The following SNX10 variants were observed in gnomAD, a reference collection of about 807,000 sequenced individuals.
SNX10 encodes sorting nexin 10, also known as sorting nexin-10.
Under a neutral mutation model 28.5 loss-of-function variants are expected in SNX10, and 25 were observed. The observed-to-expected ratio is 0.88, with a 90% confidence interval of 0.64 to 1.22. The LOEUF (loss-of-function observed/expected upper bound fraction) is 1.22. Ranked by LOEUF, SNX10 falls within the 50% of genes most tolerant of loss-of-function variation. The pLI is 0.00. For missense variants in SNX10, 223 were observed against 242.6 expected, an observed-to-expected ratio of 0.92 and a Z score of 0.54; for synonymous variants, 62 against 81.4, an observed-to-expected ratio of 0.76 and a Z score of 1.28.
chr7:26,298,817 C>T (rs751697889), intron 1 of SNX10, among the ~76,000 whole-genome samples: 9 of 152,184 alleles, frequency 5.9e-5, no homozygotes, highest in Admixed American at 2.6e-4. Flanking sequence ...TGCAGACAGC[C>T]GCCTTCGTGC....
chr7:26,308,668 C>A (rs1786692833), intron 1 of SNX10, among the ~76,000 whole-genome samples: 1 of 152,052 alleles, frequency 6.6e-6, no homozygotes, highest in African/African-American at 2.4e-5. Context: ...TATAATAAAC[C>A]AGTAATAAGT....
chr7:26,352,427 A>T (rs1788644032), intron 2 of SNX10, among the ~76,000 whole-genome samples: 1 of 152,020 alleles, frequency 6.6e-6, no homozygotes, highest in African/African-American at 2.4e-5. Context: ...TGCCTCTTCA[A>T]CCCCCAAAAC....
chr7:26,355,986 G>T (rs1239309567), intron 2 of SNX10, among the ~76,000 whole-genome samples: 1 of 152,164 alleles, frequency 6.6e-6, no homozygotes, highest in East Asian at 1.9e-4. Context: ...ACGGTATAAT[G>T]CCTGCCACAT....
Position 26,362,114 on chromosome 7 carries a change from C to T in SNX10, c.111+1053C>T, listed in dbSNP as rs574143235. ...TCTTCTCTTTTTTCTTTGAAGTTTC[C>T]CCAACTTTGAAAATAAAAGAAAAAC... On this transcript the variant is annotated intron_variant, in intron 3 of 6. Transcript: ENST00000338523. Among the ~76,000 whole-genome samples, 5 of 151,986 alleles carry T rather than the reference C, an allele frequency of 3.3e-5. No individual in the cohort carries two copies. In the South Asian group the frequency reaches 1.0e-3, roughly 32 times the overall value.
intron 3 of SNX10, among the ~76,000 whole-genome samples, chr7:26,362,383 GA>G (rs1483671759): frequency 1.3e-5 from 2 of 152,132 alleles, no homozygotes; most frequent in African/African-American, 4.8e-5. Flanking sequence ...TTATTCCCAG[GA>G]ATTAATGAAA....
chr7:26,297,170 C>T (rs1488158172), intron 1 of SNX10, among the ~76,000 whole-genome samples: 1 of 152,240 alleles, frequency 6.6e-6, no homozygotes, highest in Non-Finnish European at 1.5e-5. Context: ...AATCTCAGCT[C>T]ACTGCAACCT....
At chr7:26,317,830 T>C (rs1234353607) in intron 1 of SNX10, among the ~76,000 whole-genome samples, 1 of 152,004 alleles carries the variant, frequency 6.6e-6, no homozygotes, top group Non-Finnish European at 1.5e-5. Context: ...GCCCAGCTAA[T>C]TTTTTTATTT....
intron 1 of SNX10, among the ~76,000 whole-genome samples, chr7:26,302,858 G>A (rs896080404): frequency 6.6e-6 from 1 of 152,146 alleles, no homozygotes; most frequent in African/African-American, 2.4e-5. Context: ...AGACCAGCAT[G>A]GCCAACATGA....
rs534223812 is a variant in SNX10 at position 26,346,413 on chromosome 7, T to A, written c.-23-7T>A. Reference sequence around the variant, plus strand: ...AAATGACCCAGTGTGGATATCTTATTTTTCAGATTGATCGTGTCCTGTGCT... The same window carrying A: ...AAATGACCCAGTGTGGATATCTTATATTTCAGATTGATCGTGTCCTGTGCT... On this transcript the variant is annotated splice_polypyrimidine_tract_variant and splice_region_variant and intron_variant, in intron 1 of 6. Transcript: ENST00000338523. 9 of 1,595,736 alleles carry A rather than the reference T, an allele frequency of 5.6e-6. No homozygotes were observed. In the East Asian group the frequency reaches 1.8e-4, roughly 32 times the overall value.
chr7:26,350,723 A>G (rs1014688446), intron 2 of SNX10, among the ~76,000 whole-genome samples: 2 of 121,854 alleles, frequency 1.6e-5, no homozygotes, highest in African/African-American at 6.6e-5. Context: ...TGTTATACTC[A>G]GTTATTAAGT....
At chr7:26,356,317 T>C (rs950602080) in intron 2 of SNX10, among the ~76,000 whole-genome samples, 2 of 152,192 alleles carry the variant, frequency 1.3e-5, no homozygotes, top group Admixed American at 6.5e-5. Flanking sequence ...CAAGAAGTCA[T>C]TAAAGTGTTT....
At chr7:26,366,236 C>T (rs1789283543) in intron 5 of SNX10, among the ~76,000 whole-genome samples, 1 of 152,226 alleles carries the variant, frequency 6.6e-6, no homozygotes, top group Non-Finnish European at 1.5e-5. Context: ...AATAAATATA[C>T]TGCCTCCTCC....
intron 1 of SNX10, among the ~76,000 whole-genome samples, chr7:26,321,119 A>G (rs1050124533): frequency 7.2e-5 from 11 of 152,314 alleles, no homozygotes; most frequent in Admixed American, 5.2e-4. Context: ...GATCAGGGTG[A>G]AAGTGTGAAC....
intron 5 of SNX10, among the ~76,000 whole-genome samples, chr7:26,367,321 C>T (rs939981964): frequency 5.3e-5 from 8 of 152,276 alleles, no homozygotes; most frequent in South Asian, 2.1e-4. Context: ...GCACTGTGTA[C>T]ACATCCAGGG....
intron 2 of SNX10, among the ~76,000 whole-genome samples, chr7:26,358,896 C>T (rs1295507210): frequency 6.8e-6 from 1 of 147,648 alleles, no homozygotes; most frequent in African/African-American, 2.6e-5. Context: ...ACCTCCGCCT[C>T]CTGGGTTCCA....
At chr7:26,318,491 A>G (rs1259631578) in intron 1 of SNX10, among the ~76,000 whole-genome samples, 1 of 152,168 alleles carries the variant, frequency 6.6e-6, no homozygotes, top group Non-Finnish European at 1.5e-5. Context: ...TATTTGAGAC[A>G]GGGTTTCACT....
chr7:26,343,145 G>T (rs1788246958), intron 1 of SNX10, among the ~76,000 whole-genome samples: 1 of 152,126 alleles, frequency 6.6e-6, no homozygotes, highest in African/African-American at 2.4e-5. Flanking sequence ...ATCTTAAGGT[G>T]GCCAATTATC....
At chr7:26,305,350 G>C (rs1172741725) in intron 1 of SNX10, among the ~76,000 whole-genome samples, 1 of 152,200 alleles carries the variant, frequency 6.6e-6, no homozygotes, top group Non-Finnish European at 1.5e-5. Context: ...ACACTCCTTA[G>C]AAGTTATAAA....
At chr7:26,356,927 A>G in intron 2 of SNX10, 1 of 283,614 alleles carries the variant, frequency 3.5e-6, no homozygotes, top group South Asian at 7.8e-5. Context: ...CATGGAGCCC[A>G]AGAACCCAAG....
Sources: gnomAD v4.1 joint callset for allele counts (sites outside exome capture counted in the v4.1 genomes callset) on GRCh38, gnomAD v4.1.1 for gene constraint, MANE v1.5 for transcripts, NCBI Gene and HGNC (gene_info 2026-07-23, HGNC 2026-07-21) for gene names.